SAR1B: variants seen among roughly 807,000 people sequenced by gnomAD.
SAR1B encodes the protein secretion associated Ras related GTPase 1B.
SAR1B carries 23 observed loss-of-function variants against 26.8 expected under a neutral mutation model. The ratio of observed to expected loss-of-function variants is 0.86; its 90% confidence interval spans 0.62 to 1.22. SAR1B has a LOEUF of 1.22. Ranked by LOEUF, SAR1B falls within the 50% of genes most tolerant of loss-of-function variation. SAR1B has a pLI of 0.00. For synonymous variants in SAR1B, 65 were observed against 80.8 expected (o/e 0.80, Z 1.05); for missense variants, 196 against 232.8 (o/e 0.84, Z 1.03).
intron 1 of SAR1B, chr5:134,631,650 C>T (rs926529090): frequency 6.6e-6 from 1 of 152,266 alleles, no homozygotes; most frequent in Non-Finnish European, 1.5e-5. Context: ...TTCTTCACCT[C>T]ATTTTGTCCA....
In SAR1B at chr5:134,603,342, T is replaced by G. The variant is rs1765073090; in HGVS notation, c.*3608A>C. ...CCTGAAACTCTCCAATCATGTTAACTAGAACTATACTGTTTCTAATGATGG... is the reference window on the plus strand; with the variant it reads ...CCTGAAACTCTCCAATCATGTTAACGAGAACTATACTGTTTCTAATGATGG... On this transcript the variant is annotated 3_prime_UTR_variant, in exon 7 of 7. Coordinates refer to ENST00000402673, the MANE Select transcript of SAR1B (RefSeq NM_016103.4). The G allele has an allele frequency of 6.6e-6, 1 of 152,248 alleles. No individual in the cohort carries two copies. The highest frequency in any genetic ancestry group is 2.4e-5 in the African/African-American group (1 of 41,482). 9.4% of individuals were successfully genotyped at this position (152,248 alleles called of 1,614,324 possible). A position where few individuals can be genotyped will look rare whatever the true frequency, so the allele number is the denominator to read the frequency against.
At chr5:134,628,377 T>G (rs78530676) in intron 1 of SAR1B, among the ~76,000 whole-genome samples, 6 of 149,744 alleles carry the variant, frequency 4.0e-5, no homozygotes, top group African/African-American at 1.5e-4. Flanking sequence ...ACCCAAAAAG[T>G]ACTATTGGGA....
chr5:134,617,183 G>A (rs979052931), intron 3 of SAR1B, among the ~76,000 whole-genome samples: 1 of 151,884 alleles, frequency 6.6e-6, no homozygotes, highest in Admixed American at 6.6e-5. Context: ...AGTGAGCCGC[G>A]ATTGTGCCAT....
intron 1 of SAR1B, among the ~76,000 whole-genome samples, chr5:134,630,818 T>C (rs1362761251): frequency 6.8e-6 from 1 of 147,794 alleles, no homozygotes; most frequent in East Asian, 2.0e-4. Flanking sequence ...AATACTAATA[T>C]AGCATTCCAA....
intron 1 of SAR1B, among the ~76,000 whole-genome samples, chr5:134,628,643 C>G (rs1022749812): frequency 6.6e-6 from 1 of 151,968 alleles, no homozygotes; most frequent in Non-Finnish European, 1.5e-5. Context: ...TAACAAGATC[C>G]CATCTCTAAA....
At chr5:134,625,948 T>G (rs1305114501) in intron 1 of SAR1B, 1 of 152,118 alleles carries the variant, frequency 6.6e-6, no homozygotes, top group Non-Finnish European at 1.5e-5. Flanking sequence ...CCAAGAGAGA[T>G]AATCTAAGAA....
At chr5:134,624,862 A>T (rs1264531596) in intron 1 of SAR1B, among the ~76,000 whole-genome samples, 1 of 152,072 alleles carries the variant, frequency 6.6e-6, no homozygotes, top group Non-Finnish European at 1.5e-5. Context: ...TCCTGACCTC[A>T]AGTGATTCGC....
Position 134,606,911 on chromosome 5 carries a change from A to T in SAR1B, c.*39T>A. Reference sequence around the variant, plus strand: ...TGTTGAGCAATCAAATCTCTGAGTAAGCCTGAACGTTGAGACCTGGAACCA... The same window carrying T: ...TGTTGAGCAATCAAATCTCTGAGTATGCCTGAACGTTGAGACCTGGAACCA... On this transcript the variant is annotated 3_prime_UTR_variant, in exon 7 of 7. Transcript: ENST00000402673. 7.8e-7 allele frequency: 1 copy of T among 1,289,772 alleles called. No homozygotes were observed. Among genetic ancestry groups the T allele is most frequent in the Non-Finnish European group, 1.1e-6 (1 of 883,854 alleles). 79.9% of individuals were successfully genotyped at this position (1,289,772 alleles called of 1,614,324 possible).
chr5:134,623,028 C>A (rs2150054832), intron 2 of SAR1B, among the ~76,000 whole-genome samples: 1 of 149,504 alleles, frequency 6.7e-6, no homozygotes, highest in South Asian at 2.1e-4. Context: ...GAGGCTGAGG[C>A]AGGAGAATTG....
chr5:134,610,189 G>A (rs1195220709), intron 4 of SAR1B, among the ~76,000 whole-genome samples: 5 of 151,878 alleles, frequency 3.3e-5, no homozygotes, highest in Admixed American at 6.6e-5. Context: ...TAATAAGGCC[G>A]GGTGTGGTGG....
chr5:134,614,103 C>G (rs914468380), intron 3 of SAR1B: 1 of 151,724 alleles, frequency 6.6e-6, no homozygotes, highest in East Asian at 1.9e-4. Context: ...CCCAGGAGTT[C>G]GAGACCAGCC....
intron 3 of SAR1B, among the ~76,000 whole-genome samples, chr5:134,620,597 A>C (rs1227632297): frequency 6.6e-6 from 1 of 152,200 alleles, no homozygotes. Flanking sequence ...GCAGTGGCTC[A>C]CGCCTGTAAT....
In SAR1B at chr5:134,629,789, G is replaced by A. The variant is rs185410983; in HGVS notation, c.-19+2939C>T. 5.8e-3 allele frequency among the ~76,000 whole-genome samples: 877 copies of A among 151,852 alleles called. 7 individuals carry two copies. The highest frequency in any genetic ancestry group is 0.02 in the African/African-American group (844 of 41,376). On this transcript the variant is annotated intron_variant, in intron 1 of 6. Coordinates refer to ENST00000402673, the MANE Select transcript of SAR1B (RefSeq NM_016103.4). Reference sequence around the variant, plus strand: ...TAGTTCCATCTACTCAGGAAGCTGAGGTATGAGAATTGCTTGAACCCGGGA... The same window carrying A: ...TAGTTCCATCTACTCAGGAAGCTGAAGTATGAGAATTGCTTGAACCCGGGA...
At chr5:134,620,907 C>T in intron 3 of SAR1B, 26 bp downstream of exon 3, 1 of 1,612,906 alleles carries the variant, frequency 6.2e-7, no homozygotes, top group Non-Finnish European at 8.5e-7. Flanking sequence ...GATCAAGTAT[C>T]ACATTGTATG....
intron 1 of SAR1B, among the ~76,000 whole-genome samples, chr5:134,629,728 A>AAAC (rs1765565705): frequency 6.6e-6 from 1 of 150,414 alleles, no homozygotes; most frequent in Non-Finnish European, 1.5e-5. Flanking sequence ...AACAAACAAA[A>AAAC]AAAAACAATT....
chr5:134,613,001 C>A, intron 3 of SAR1B: 1 of 501,010 alleles, frequency 2.0e-6, no homozygotes, highest in Non-Finnish European at 3.5e-6. Context: ...AATATTTGCC[C>A]TGGCATACTT....
intron 1 of SAR1B, among the ~76,000 whole-genome samples, chr5:134,629,271 A>C (rs1290450071): frequency 1.3e-5 from 2 of 151,862 alleles, no homozygotes; most frequent in Non-Finnish European, 1.5e-5. Context: ...AAAAAATACA[A>C]AAATAGGCCA....
In SAR1B at chr5:134,613,013, C is replaced by T. The variant is rs571092851; in HGVS notation, c.179-257G>A. On this transcript the variant is annotated intron_variant, in intron 3 of 6. Coordinates refer to ENST00000402673, the MANE Select transcript of SAR1B (RefSeq NM_016103.4). ...CTAAATATTTGCCCTGGCATACTTA[C>T]ACTGGTCCAAGCAAGCATTAGGTCA... The T allele has an allele frequency of 1.2e-5, 6 of 483,716 alleles. No homozygotes were observed. In the East Asian group the frequency reaches 2.0e-4, roughly 16 times the overall value. The allele number at this position is 483,716 out of a possible 1,614,324, so 30.0% of individuals were successfully genotyped here. A position where few individuals can be genotyped will look rare whatever the true frequency, so the allele number is the denominator to read the frequency against.
Position 134,606,938 on chromosome 5 carries a change from T to A in SAR1B, c.*12A>T. 6.4e-7 allele frequency: 1 copy of A among 1,557,852 alleles called. No individual in the cohort carries two copies. Among genetic ancestry groups the A allele is most frequent in the Non-Finnish European group, 8.9e-7 (1 of 1,128,640 alleles). On this transcript the variant is annotated 3_prime_UTR_variant, in exon 7 of 7. Coordinates refer to ENST00000402673, the MANE Select transcript of SAR1B (RefSeq NM_016103.4). Reference sequence around the variant, plus strand: ...CCTGAACGTTGAGACCTGGAACCAATGTGAGTTTGTGTTAATCAATGTACT... The same window carrying A: ...CCTGAACGTTGAGACCTGGAACCAAAGTGAGTTTGTGTTAATCAATGTACT...
Sources: allele counts gnomAD v4.1 joint callset (sites outside exome capture counted in the v4.1 genomes callset), GRCh38; gene constraint gnomAD v4.1.1; transcripts MANE v1.5; gene names NCBI Gene and HGNC (gene_info 2026-07-23, HGNC 2026-07-21).